The following SEMA6B variants were observed in gnomAD, a reference collection of about 807,000 sequenced individuals.
SEMA6B encodes semaphorin 6B, also known as semaphorin-6B.
Under a neutral mutation model 78.6 loss-of-function variants are expected in SEMA6B, and 47 were observed. The ratio of observed to expected loss-of-function variants is 0.60; its 90% CI spans 0.47 to 0.76. SEMA6B has a LOEUF of 0.76. Ranked by LOEUF, SEMA6B falls within the 30% of genes least tolerant of loss-of-function variation. The pLI, the probability that SEMA6B is intolerant of heterozygous loss-of-function variation, is 0.00. For missense variants in SEMA6B, 1,213 were observed against 1,269.9 expected (o/e 0.96, Z 0.68); for synonymous variants, 632 against 592.2 (o/e 1.07, Z -0.98).
At position 4,548,659 on chromosome 19, in the gene SEMA6B, G is replaced by T. The variant is rs190218798; in HGVS notation, c.1272-214C>A. Among the ~76,000 whole-genome samples the T allele has an allele frequency of 4.4e-3, 663 of 152,292 alleles. 1 individual carries two copies. Among genetic ancestry groups the T allele is most frequent in the Admixed American group, 8.6e-3 (131 of 15,288 alleles). On this transcript the variant is annotated intron_variant, in intron 12 of 16. Transcript: ENST00000586582. ...TTTTTGAAACATAACCCCAAACCAG[G>T]CTCTCCTCAGCCCTGTCTCTTTGGT...
In SEMA6B at chr19:4,548,539, ACT is replaced by A. The variant is rs1457461790; in HGVS notation, c.1272-96_1272-95del. On this transcript the variant is annotated intron_variant, in intron 12 of 16. Transcript: ENST00000586582. ...CATAGTTACACGGGTGCATACAGACACTGACACACCAACACATGTGACAGCAA... is the reference window on the plus strand; with the variant it reads ...CATAGTTACACGGGTGCATACAGACAGACACACCAACACATGTGACAGCAA... 3.3e-5 allele frequency: 38 copies of A among 1,143,890 alleles called. No individual in the cohort carries two copies. The Admixed American group carries it at 7.8e-4, about 23-fold the overall frequency. 70.9% of individuals were successfully genotyped at this position (1,143,890 alleles called of 1,614,324 possible).
Position 4,544,179 on chromosome 19 carries a change from C to A in SEMA6B, c.2089G>T (p.Gly697Cys). The A allele has an allele frequency of 7.9e-7, 1 of 1,268,372 alleles. No homozygotes were observed. Among genetic ancestry groups the A allele is most frequent in the Non-Finnish European group, 9.9e-7 (1 of 1,008,838 alleles). 78.6% of individuals were successfully genotyped at this position (1,268,372 alleles called of 1,614,324 possible). The stretch of plus-strand genomic sequence containing the variant: ...CCCGAGTCCAGGTCGTGGGGCCCGC[C>A]CTGCAGCAGCGTGGCCTTGGCCCAG... ...NGWAKATLLQGGPHDLDSGLL... is the reference protein window; with the variant it reads ...NGWAKATLLQCGPHDLDSGLL... The change falls in exon 17 of 17, where the codon GGC becomes TGC. Residue 697 changes from glycine (G) to cysteine (C), a missense_variant. By Grantham distance (159) the Gly-to-Cys change is radical. Coordinates refer to ENST00000586582, the MANE Select transcript of SEMA6B (RefSeq NM_032108.4). The surrounding 1 kb of genome is among the most constrained non-coding windows in gnomAD (Gnocchi z 5.1).
chr19:4,553,924 G>A (rs150836805), intron 9 of SEMA6B, among the ~76,000 whole-genome samples: 2 of 152,160 alleles, frequency 1.3e-5, no homozygotes, highest in Non-Finnish European at 2.9e-5. Flanking sequence ...TCGATGGGTG[G>A]ATGGATGCAT....
rs763234419 is a variant in SEMA6B, at chr19:4,544,497, C to T, written c.1771G>A (p.Ala591Thr). The T allele has an allele frequency of 1.3e-6, 2 of 1,576,046 alleles. No individual in the cohort carries two copies. The highest frequency in any genetic ancestry group is 1.7e-6 in the Non-Finnish European group (2 of 1,161,620). Residue 591 changes from alanine (A) to threonine (T), a missense_variant, in exon 17 of 17, where the codon GCG becomes ACG. By Grantham distance (58) the Ala-to-Thr change is moderately conservative (BLOSUM62 0). Transcript: ENST00000586582. This position sits in a 1 kb window ranked among gnomAD's most constrained non-coding sequence, Gnocchi z 5.1. Reference sequence around the variant, plus strand: ...AGCAGGTTCACCGACACCAGCCCCGCGCGGTCCTCGGAGAGGCTGGCCCGC... The same window carrying T: ...AGCAGGTTCACCGACACCAGCCCCGTGCGGTCCTCGGAGAGGCTGGCCCGC... ...LLRASLSEDR[A>T]GLVSVNLLVT...
intron 10 of SEMA6B, among the ~76,000 whole-genome samples, chr19:4,551,273 G>A (rs1480163095): frequency 6.7e-6 from 1 of 149,826 alleles, no homozygotes; most frequent in Non-Finnish European, 1.5e-5. Context: ...AGGCTGGAGT[G>A]CAGTGACGTG....
Position 4,543,021 on chromosome 19 carries a change from C to A in SEMA6B, c.*580G>T, listed in dbSNP as rs1335586606. On this transcript the variant is annotated 3_prime_UTR_variant, in exon 17 of 17. Coordinates refer to ENST00000586582, the MANE Select transcript of SEMA6B (RefSeq NM_032108.4). ...GGCCACCACGATCGTCGCTCGTGGA[C>A]ACACACCCTGCACGCGTGGCCCACT... 1.5e-6 allele frequency: 1 copy of A among 688,400 alleles called. No homozygotes were observed. Among genetic ancestry groups the A allele is most frequent in the Admixed American group, 2.0e-5 (1 of 49,278 alleles). 42.6% of individuals were successfully genotyped at this position (688,400 alleles called of 1,614,324 possible). A position where few individuals can be genotyped will look rare whatever the true frequency, so the allele number is the denominator to read the frequency against.
intron 12 of SEMA6B, among the ~76,000 whole-genome samples, chr19:4,549,805 G>T (rs1012865447): frequency 6.6e-6 from 1 of 151,924 alleles, no homozygotes; most frequent in East Asian, 1.9e-4. Context: ...TAGAGACGAG[G>T]TTTCTCCATG....
At chr19:4,545,340 C>CAAAA (rs552554036) in intron 16 of SEMA6B, among the ~76,000 whole-genome samples, 3 of 113,962 alleles carry the variant, frequency 2.6e-5, no homozygotes, top group African/African-American at 1.0e-4. Context: ...GACTCTGTCT[C>CAAAA]AAAAAAAAAA....
chr19:4,546,188 G>T, intron 16 of SEMA6B, 28 bp downstream of exon 16: 2 of 1,585,706 alleles, frequency 1.3e-6, no homozygotes, highest in Non-Finnish European at 1.7e-6. Flanking sequence ...GGGGATGGGG[G>T]TCTTAGCCTG....
rs1476613361 is a variant in SEMA6B, at chr19:4,552,069, C to T, written c.989+353G>A. ...CTCACGATTACTTAAGTATACTGAA[C>T]TCACTGAAGCCTCAGGACCTTTGCA... On this transcript the variant is annotated intron_variant, in intron 10 of 16. Coordinates refer to ENST00000586582, the MANE Select transcript of SEMA6B (RefSeq NM_032108.4). This position sits in a 1 kb window ranked among gnomAD's most constrained non-coding sequence, Gnocchi z 7.4. Among the ~76,000 whole-genome samples the T allele has an allele frequency of 1.3e-5, 2 of 152,172 alleles. No homozygotes were observed. Among genetic ancestry groups the T allele is most frequent in the Non-Finnish European group, 2.9e-5 (2 of 68,036 alleles).
chr19:4,555,093 C>G lies in SEMA6B; in HGVS notation c.565G>C (p.Gly189Arg), dbSNP rs766071186. Residue 189 changes from glycine to arginine, a missense_variant and splice_region_variant, in exon 8 of 17, where the codon GGG becomes CGG. Physicochemically the swap from Gly to Arg is moderately radical, Grantham distance 125. Coordinates refer to ENST00000586582, the MANE Select transcript of SEMA6B (RefSeq NM_032108.4). The surrounding 1 kb of genome is among the most constrained non-coding windows in gnomAD (Gnocchi z 6.1). ...GTAACAGTAGCTGTGAAGAGCATCCCGTCTGGATGGGGTGGGTGGGGAAGG... is the reference window on the plus strand; with the variant it reads ...GTAACAGTAGCTGTGAAGAGCATCCGGTCTGGATGGGGTGGGTGGGGAAGG... Reference protein sequence around the residue: ...KHANVALFSDGMLFTATVTDF... With the variant: ...KHANVALFSDRMLFTATVTDF... The G allele has an allele frequency of 9.3e-6, 15 of 1,613,402 alleles. No individual in the cohort carries two copies. The highest frequency in any genetic ancestry group is 1.3e-5 in the Non-Finnish European group (15 of 1,179,886).
In SEMA6B at chr19:4,550,978, A is replaced by G; in HGVS notation, c.990-48T>C. On this transcript the variant is annotated intron_variant, in intron 10 of 16. Coordinates refer to ENST00000586582, the MANE Select transcript of SEMA6B (RefSeq NM_032108.4). The surrounding 1 kb of genome is among the most constrained non-coding windows in gnomAD (Gnocchi z 6.6). ...TTTGGTGAGCCCGGTGGGAGGCCCC[A>G]TCTCGGACAAGTGCGTGCAGGAGCC... The G allele has an allele frequency of 6.2e-7, 1 of 1,607,902 alleles. No homozygotes were observed. Among genetic ancestry groups the G allele is most frequent in the Non-Finnish European group, 8.5e-7 (1 of 1,176,382 alleles).
Position 4,550,221 on chromosome 19 carries a change from C to G in SEMA6B, c.1173G>C (p.Leu391Phe), listed in dbSNP as rs773263679. The G allele has an allele frequency of 6.2e-7, 1 of 1,613,694 alleles. No individual in the cohort carries two copies. The highest frequency in any genetic ancestry group is 2.2e-5 in the East Asian group (1 of 44,872). Residue 391 changes from leucine (L) to phenylalanine (F), a missense_variant, in exon 12 of 17, where the codon TTG becomes TTC. Physicochemically the swap from Leu to Phe is conservative, Grantham distance 22 (BLOSUM62 0). Coordinates refer to ENST00000586582, the MANE Select transcript of SEMA6B (RefSeq NM_032108.4). The surrounding 1 kb of genome is among the most constrained non-coding windows in gnomAD (Gnocchi z 6.6). ...PGMQYNASSA[L>F]PDDILNFVKT... ...TGACAAAGTTGAGGATGTCATCCGG[C>G]AAGGCGCTGGAGGCATTGTACTGCA...
In SEMA6B at chr19:4,544,174, C is replaced by T. The variant is rs1225442015; in HGVS notation, c.2094G>A (p.Gly698=). The change falls in exon 17 of 17, where the codon GGG becomes GGA. Residue 698 remains glycine (G), a synonymous_variant. Coordinates refer to ENST00000586582, the MANE Select transcript of SEMA6B (RefSeq NM_032108.4). This position sits in a 1 kb window ranked among gnomAD's most constrained non-coding sequence, Gnocchi z 5.1. ...GWAKATLLQG[G]PHDLDSGLLP... ...GCAGCCCCGAGTCCAGGTCGTGGGG[C>T]CCGCCCTGCAGCAGCGTGGCCTTGG... is the stretch of plus-strand genomic sequence containing the variant. The T allele has an allele frequency of 1.6e-6, 2 of 1,269,166 alleles. No homozygotes were observed. Among genetic ancestry groups the T allele is most frequent in the Non-Finnish European group, 9.9e-7 (1 of 1,009,440 alleles). 78.6% of individuals were successfully genotyped at this position (1,269,166 alleles called of 1,614,324 possible).
chr19:4,555,918 T>C lies in SEMA6B; in HGVS notation c.471+70A>G. 1 of 1,228,464 alleles carries C rather than the reference T, an allele frequency of 8.1e-7. No individual in the cohort carries two copies. Among genetic ancestry groups the C allele is most frequent in the Non-Finnish European group, 1.2e-6 (1 of 829,662 alleles). The allele number at this position is 1,228,464 out of a possible 1,614,324, so 76.1% of individuals were successfully genotyped here. A position where few individuals can be genotyped will look rare whatever the true frequency, so the allele number is the denominator to read the frequency against. On this transcript the variant is annotated intron_variant, in intron 6 of 16. Coordinates refer to ENST00000586582, the MANE Select transcript of SEMA6B (RefSeq NM_032108.4). The surrounding 1 kb of genome is among the most constrained non-coding windows in gnomAD (Gnocchi z 6.1). ...GGTGACACGGCCTGGGGAAAAGCCA[T>C]GGCCAGCGGAGGTCGGGCGAGCAGA...
At chr19:4,557,117 T>C in intron 4 of SEMA6B, 46 bp downstream of exon 4, 1 of 1,589,476 alleles carries the variant, frequency 6.3e-7, no homozygotes, top group Non-Finnish European at 8.6e-7. Context: ...CAGTGCCGCG[T>C]CCCCCTGGCC....
chr19:4,551,030 C>A, intron 10 of SEMA6B, 100 bp from the exon 11 acceptor site: 1 of 1,397,146 alleles, frequency 7.2e-7, no homozygotes, highest in Admixed American at 1.8e-5. Flanking sequence ...AGTGAATCTT[C>A]AGTCTTCCTA....
rs777717974 is a variant in SEMA6B, at chr19:4,550,321, A to AG, written c.1122-50dup. The stretch of plus-strand genomic sequence containing the variant: ...AGGACGAACGTAAAGGTTCTCATAA[A>AG]GGGGCCTGATTCACCAGAGGTACCC... On this transcript the variant is annotated intron_variant, in intron 11 of 16. Transcript: ENST00000586582. This position sits in a 1 kb window ranked among gnomAD's most constrained non-coding sequence, Gnocchi z 6.6. 1.9e-6 allele frequency: 3 copies of AG among 1,602,076 alleles called. No individual in the cohort carries two copies. Among genetic ancestry groups the AG allele is most frequent in the African/African-American group, 2.7e-5 (2 of 74,598 alleles).
At chr19:4,557,090 C>T in intron 4 of SEMA6B, 73 bp downstream of exon 4, 1 of 1,585,940 alleles carries the variant, frequency 6.3e-7, no homozygotes, top group East Asian at 2.2e-5. Context: ...GGGCCGAATC[C>T]ACCCAGCTCC....
Sources: allele counts gnomAD v4.1 joint callset (sites outside exome capture counted in the v4.1 genomes callset), GRCh38; gene constraint gnomAD v4.1.1; non-coding constraint Gnocchi (gnomAD v3.1); transcripts MANE v1.5; gene names NCBI Gene and HGNC (gene_info 2026-07-23, HGNC 2026-07-21).